The following IPO9 variants were observed in gnomAD, a reference collection of about 807,000 sequenced individuals.
The protein encoded by IPO9 is importin-9.
Under a neutral mutation model 128.6 loss-of-function variants are expected in IPO9, and 28 were observed. The ratio of observed to expected loss-of-function variants is 0.22; its 90% CI spans 0.16 to 0.30. The LOEUF is 0.30. Among genes scored for constraint, IPO9 ranks in the 10% least tolerant of loss-of-function variants. The pLI, the probability that IPO9 is intolerant of heterozygous loss-of-function variation, is 1.00. For missense variants in IPO9, 935 were observed against 1,293.9 expected, an observed-to-expected ratio of 0.72 and a Z score of 4.26; for synonymous variants, 455 against 475.8, an observed-to-expected ratio of 0.96 and a Z score of 0.57.
chr1:201,865,332 C>T (rs921046097), intron 14 of IPO9, among the ~76,000 whole-genome samples: 1 of 152,024 alleles, frequency 6.6e-6, no homozygotes, highest in African/African-American at 2.4e-5. Context: ...CTTCAGCCTC[C>T]CCAGCAGCTG....
chr1:201,863,310 C>T, intron 13 of IPO9, 138 bp from the exon 14 acceptor site: 1 of 769,050 alleles, frequency 1.3e-6, no homozygotes, highest in Admixed American at 2.4e-5. Flanking sequence ...CGAGATCACG[C>T]CATCGCACTC....
At position 201,847,564 on chromosome 1, in the gene IPO9, A is replaced by G. The variant is rs145889214; in HGVS notation, c.238A>G (p.Ile80Val). 2.0e-4 allele frequency: 320 copies of G among 1,614,048 alleles called. No homozygotes were observed. The East Asian group carries it at 7.1e-3, about 36-fold the overall frequency. Residue 80 changes from isoleucine to valine, a missense_variant, in exon 3 of 24, where the codon ATC (isoleucine) becomes GTC (valine). Coordinates refer to ENST00000361565, the MANE Select transcript of IPO9 (RefSeq NM_018085.5). Reference sequence around the variant, plus strand: ...ATTCTCTTCACAGCTGGCATCAGTCATCTTGAAACAATATGTGGAGACTCA... The same window carrying G: ...ATTCTCTTCACAGCTGGCATCAGTCGTCTTGAAACAATATGTGGAGACTCA... ...ALAIRQLASV[I>V]LKQYVETHWC...
rs370936366 is a variant in IPO9 at position 201,858,438 on chromosome 1, T to C, written c.1222-9T>C. The C allele has an allele frequency of 1.5e-5, 22 of 1,481,458 alleles. No individual in the cohort carries two copies. In the African/African-American group the frequency reaches 3.1e-4, roughly 21 times the overall value. The allele number at this position is 1,481,458 out of a possible 1,614,324, so 91.8% of individuals were successfully genotyped here. Reference sequence around the variant, plus strand: ...ACAAACAGATTTATTAGCTCTTCTCTCTCTATAGGCTGTGGCCACAGATTT... The same window carrying C: ...ACAAACAGATTTATTAGCTCTTCTCCCTCTATAGGCTGTGGCCACAGATTT... On this transcript the variant is annotated splice_polypyrimidine_tract_variant and intron_variant, in intron 11 of 23. Transcript: ENST00000361565.
intron 15 of IPO9, among the ~76,000 whole-genome samples, chr1:201,867,677 T>C (rs1206429142): frequency 6.6e-6 from 1 of 152,080 alleles, no homozygotes; most frequent in Non-Finnish European, 1.5e-5. Flanking sequence ...TTATTACTTT[T>C]CTGCATTTTA....
chr1:201,878,878 T>G lies in IPO9; in HGVS notation c.*2824T>G, dbSNP rs1680829474. On this transcript the variant is annotated 3_prime_UTR_variant, in exon 24 of 24. Coordinates refer to ENST00000361565, the MANE Select transcript of IPO9 (RefSeq NM_018085.5). ...TCTCCTGTCTTTGGCCAAAGAGAAC[T>G]AGCTTCAGTCTGAAAAGGGCAGGGC... 1 of 152,186 alleles carries G rather than the reference T, an allele frequency of 6.6e-6. No individual in the cohort carries two copies. The highest frequency in any genetic ancestry group is 1.5e-5 in the Non-Finnish European group (1 of 68,044). 9.4% of individuals were successfully genotyped at this position (152,186 alleles called of 1,614,324 possible).
chr1:201,852,120 A>G lies in IPO9; in HGVS notation c.531A>G (p.Val177=). Residue 177 remains valine (V), a synonymous_variant, in exon 5 of 24, where the codon GTA becomes GTG. Coordinates refer to ENST00000361565, the MANE Select transcript of IPO9 (RefSeq NM_018085.5). The part of the protein sequence containing the change: ...MRVLTEFTRE[V]TDTQMPLVAP... The stretch of plus-strand genomic sequence containing the variant: ...TCTTTGTAGAATTCACTCGTGAAGT[A>G]ACAGACACACAGATGCCACTTGTTG... The G allele has an allele frequency of 2.5e-6, 4 of 1,611,134 alleles. No homozygotes were observed. The highest frequency in any genetic ancestry group is 3.4e-6 in the Non-Finnish European group (4 of 1,177,402).
chr1:201,866,675 T>A, intron 14 of IPO9, 58 bp from the exon 15 acceptor site: 3 of 1,318,424 alleles, frequency 2.3e-6, no homozygotes, highest in Non-Finnish European at 3.3e-6. Context: ...TGAGATTGAT[T>A]GGGAAAACCA....
chr1:201,869,550 C>A lies in IPO9; in HGVS notation c.2005-40C>A, dbSNP rs368929716. On this transcript the variant is annotated intron_variant, in intron 16 of 23. Coordinates refer to ENST00000361565, the MANE Select transcript of IPO9 (RefSeq NM_018085.5). ...CTTGGTTGTTGGGCAACCCCCACCC[C>A]AGAGGCAATTCTGACTTTTCTTTTT... The A allele has an allele frequency of 1.5e-4, 243 of 1,608,860 alleles. 1 individual carries two copies. The highest frequency in any genetic ancestry group is 2.0e-4 in the Non-Finnish European group (239 of 1,177,514).
chr1:201,847,340 G>A lies in IPO9; in HGVS notation c.225G>A (p.Gln75=). Residue 75 remains glutamine, a splice_region_variant and synonymous_variant, in exon 2 of 24, where the codon CAG becomes CAA. Coordinates refer to ENST00000361565, the MANE Select transcript of IPO9 (RefSeq NM_018085.5). ...CCCAGGGGGCACTGGCAATCCGTCAGGTAAGTCCAGACTGGCCCAATTTAT... is the reference window on the plus strand; with the variant it reads ...CCCAGGGGGCACTGGCAATCCGTCAAGTAAGTCCAGACTGGCCCAATTTAT... ...VDPQGALAIR[Q]LASVILKQYV... is the part of the protein sequence containing the mutation. 6.2e-7 allele frequency: 1 copy of A among 1,613,438 alleles called. No homozygotes were observed. The highest frequency in any genetic ancestry group is 8.5e-7 in the Non-Finnish European group (1 of 1,179,408).
chr1:201,870,551 A>C lies in IPO9; in HGVS notation c.2134-32A>C, dbSNP rs531792367. The C allele has an allele frequency of 1.2e-6, 2 of 1,600,734 alleles. No individual in the cohort carries two copies. The highest frequency in any genetic ancestry group is 1.7e-6 in the Non-Finnish European group (2 of 1,171,214). ...GCCTTCTGGCATCTGTCCCTCGATT[A>C]CTAATCTTGCTTGCCACCCCTGTCT... On this transcript the variant is annotated intron_variant, in intron 17 of 23. Coordinates refer to ENST00000361565, the MANE Select transcript of IPO9 (RefSeq NM_018085.5). This position sits in a 1 kb window ranked among gnomAD's most constrained non-coding sequence, Gnocchi z 4.9.
At chr1:201,843,257 C>T (rs746045871) in intron 1 of IPO9, among the ~76,000 whole-genome samples, 85 of 152,176 alleles carry the variant, frequency 5.6e-4, no homozygotes, top group Middle Eastern at 3.2e-3. Flanking sequence ...AACCCATTCC[C>T]ATCAGTCCAT....
chr1:201,847,637 G>C lies in IPO9; in HGVS notation c.311G>C (p.Arg104Thr). ...EKFRPPETTERAKIVIRELLP... is the reference protein window; with the variant it reads ...EKFRPPETTETAKIVIRELLP... ...TTTAGGCCTCCTGAAACTACAGAAA[G>C]GGTAAGTCAGTTACTTGATTAGTCT... The change falls in exon 3 of 24, where the codon AGG (arginine) becomes ACG (threonine). Residue 104 changes from arginine (R) to threonine (T), a missense_variant and splice_region_variant. Physicochemically the swap from Arg to Thr is moderately conservative, Grantham distance 71. Coordinates refer to ENST00000361565, the MANE Select transcript of IPO9 (RefSeq NM_018085.5). The C allele has an allele frequency of 6.2e-7, 1 of 1,606,330 alleles. No homozygotes were observed. Among genetic ancestry groups the C allele is most frequent in the Non-Finnish European group, 8.5e-7 (1 of 1,172,948 alleles).
chr1:201,883,105 AAGC>A lies in IPO9; in HGVS notation c.*7054_*7056del, dbSNP rs1466028640. 1.3e-5 allele frequency: 2 copies of A among 152,128 alleles called. No homozygotes were observed. The highest frequency in any genetic ancestry group is 1.3e-4 in the Admixed American group (2 of 15,224). 9.4% of individuals were successfully genotyped at this position (152,128 alleles called of 1,614,324 possible). A position where few individuals can be genotyped will look rare whatever the true frequency, so the allele number is the denominator to read the frequency against. ...GCCCAGCTCTTGCCTTCCACCTACT[AAGC>A]AGTTTTTCTGTGGTTAGCTGTGTGA... On this transcript the variant is annotated 3_prime_UTR_variant, in exon 24 of 24. Transcript: ENST00000361565.
rs1679818695 is a variant in IPO9, at chr1:201,830,764, C to A, written c.163+1392C>A. On this transcript the variant is annotated intron_variant, in intron 1 of 23. Transcript: ENST00000361565. ...TGTCACCTGAATAAAACTTGAGAGT[C>A]TGGTGCAAATTCATCTTAACTAAAC... Among the ~76,000 whole-genome samples, 3 of 152,210 alleles carry A rather than the reference C, an allele frequency of 2.0e-5. No individual in the cohort carries two copies. In the South Asian group the frequency reaches 6.2e-4, roughly 31 times the overall value.
At chr1:201,843,293 A>G (rs542609947) in intron 1 of IPO9, among the ~76,000 whole-genome samples, 3 of 152,280 alleles carry the variant, frequency 2.0e-5, no homozygotes, top group African/African-American at 7.2e-5. Context: ...AAGTTACAAT[A>G]CGTAGTTAGA....
rs958988578 is a variant in IPO9, at chr1:201,883,178, C to CG, written c.*7124_*7125insG. On this transcript the variant is annotated 3_prime_UTR_variant, in exon 24 of 24. Coordinates refer to ENST00000361565, the MANE Select transcript of IPO9 (RefSeq NM_018085.5). ...AATTTGCTTTCACTAGATTCCCCCC[C>CG]CCCCAACAACTTAGTCCAAGAACAT... is the stretch of plus-strand genomic sequence containing the variant. 5 of 148,808 alleles carry CG rather than the reference C, an allele frequency of 3.4e-5. No homozygotes were observed. The highest frequency in any genetic ancestry group is 2.2e-4 in the South Asian group (1 of 4,460). The allele number at this position is 148,808 out of a possible 1,614,324, so 9.2% of individuals were successfully genotyped here.
intron 10 of IPO9, 139 bp from the exon 11 acceptor site, chr1:201,856,957 G>A: frequency 1.5e-6 from 1 of 663,478 alleles, no homozygotes; most frequent in African/African-American, 1.8e-5. Flanking sequence ...AAAGTGTCAG[G>A]ATTACAGTTG....
intron 13 of IPO9, among the ~76,000 whole-genome samples, 186 bp downstream of exon 13, chr1:201,859,180 A>AATAAAT (rs371428335): frequency 0.29 from 23,957 of 83,190 alleles, 4,426 homozygotes; most frequent in Middle Eastern, 0.35. Context: ...CTCAAAGTAT[A>AATAAAT]ATATATATAT....
intron 14 of IPO9, among the ~76,000 whole-genome samples, chr1:201,866,102 T>G (rs996694598): frequency 6.6e-6 from 1 of 152,214 alleles, no homozygotes; most frequent in African/African-American, 2.4e-5. Context: ...CTCTTTACCC[T>G]GAAGTCTCCA....
Sources: allele counts gnomAD v4.1 joint callset (sites outside exome capture counted in the v4.1 genomes callset), GRCh38; gene constraint gnomAD v4.1.1; non-coding constraint Gnocchi (gnomAD v3.1); transcripts MANE v1.5; gene names NCBI Gene and HGNC (gene_info 2026-07-23, HGNC 2026-07-21).